The following SHROOM3 variants were observed in gnomAD, a reference collection of about 807,000 sequenced individuals.
SHROOM3 encodes protein Shroom3.
In SHROOM3, 47 loss-of-function variants were observed where a neutral mutation model predicts 138.6. That is an observed-to-expected ratio of 0.34 (90% confidence interval 0.27 to 0.43). The LOEUF is 0.43. Among genes scored for constraint, SHROOM3 ranks in the 20% least tolerant of loss-of-function variants. The pLI, the probability that SHROOM3 is intolerant of heterozygous loss-of-function variation, is 1.00. For synonymous variants in SHROOM3, 1,062 were observed against 1,063.3 expected (o/e 1.00, Z 0.02); for missense variants, 2,491 against 2,596.5 (o/e 0.96, Z 0.88).
intron 2 of SHROOM3, among the ~76,000 whole-genome samples, chr4:76,561,686 TA>T (rs549046211): frequency 0.014 from 1,235 of 89,362 alleles, 16 homozygotes; most frequent in African/African-American, 0.043. Flanking sequence ...TCTGTGATGC[TA>T]AAAAAAAAAA....
intron 2 of SHROOM3, among the ~76,000 whole-genome samples, chr4:76,566,000 C>T (rs1338325627): frequency 6.6e-6 from 1 of 151,088 alleles, no homozygotes; most frequent in African/African-American, 2.4e-5. Context: ...GTCCCAGCTA[C>T]TCAAGAGGCT....
At chr4:76,575,011 G>A (rs774938925) in intron 2 of SHROOM3, among the ~76,000 whole-genome samples, 11 of 152,098 alleles carry the variant, frequency 7.2e-5, no homozygotes, top group East Asian at 1.9e-4. Context: ...ACAACCAAGC[G>A]GGATTTATCT....
rs898997319 is a variant in SHROOM3 at position 76,781,070 on chromosome 4, G to A, written c.*1893G>A. ...CCCAGTTCCCAACACTCTTCGAGAT[G>A]ACCATTTTTCGGGATTTGACTGGGG... On this transcript the variant is annotated 3_prime_UTR_variant, in exon 11 of 11. Transcript: ENST00000296043. 10 of 152,194 alleles carry A rather than the reference G, an allele frequency of 6.6e-5. No homozygotes were observed. The highest frequency in any genetic ancestry group is 2.4e-4 in the African/African-American group (10 of 41,442). The allele number at this position is 152,194 out of a possible 1,614,324, so 9.4% of individuals were successfully genotyped here. A position where few individuals can be genotyped will look rare whatever the true frequency, so the allele number is the denominator to read the frequency against.
chr4:76,548,098 G>C (rs1019862965), intron 1 of SHROOM3, among the ~76,000 whole-genome samples: 22 of 152,178 alleles, frequency 1.4e-4, no homozygotes, highest in African/African-American at 5.3e-4. Flanking sequence ...GAGGAGGTAA[G>C]GGAAAAAGTC....
intron 2 of SHROOM3, among the ~76,000 whole-genome samples, chr4:76,620,511 A>T (rs1013476692): frequency 2.0e-5 from 3 of 152,170 alleles, no homozygotes; most frequent in Admixed American, 1.3e-4. Flanking sequence ...ACTAATAAGA[A>T]CACATTGTTT....
At chr4:76,708,828 A>G (rs1720142321) in intron 2 of SHROOM3, among the ~76,000 whole-genome samples, 1 of 152,214 alleles carries the variant, frequency 6.6e-6, no homozygotes, top group Admixed American at 6.5e-5. Context: ...CCTGAGACTC[A>G]GAATTTACTT....
chr4:76,469,220 A>T (rs1731314511), intron 1 of SHROOM3, among the ~76,000 whole-genome samples: 1 of 152,120 alleles, frequency 6.6e-6, no homozygotes, highest in Non-Finnish European at 1.5e-5. Context: ...AGAGCATTTA[A>T]TAAGCATTTC....
chr4:76,739,270 C>G lies in SHROOM3; in HGVS notation c.1097C>G (p.Pro366Arg). Residue 366 changes from proline to arginine, a missense_variant, in exon 5 of 11, where the codon CCC becomes CGC. By Grantham distance (103) the Pro-to-Arg change is moderately radical. Around this residue, in one of 4 missense-constraint regions of SHROOM3, gnomAD observed 1,733 missense variants for 1,661.6 expected, o/e 1.04. Transcript: ENST00000296043. ...VPPPSWSQQCPSSLETATDNL... is the reference protein window; with the variant it reads ...VPPPSWSQQCRSSLETATDNL... ...CCCCCATCCTGGAGCCAGCAGTGCC[C>G]CAGTTCCTTGGAGACTGCCACGGAC... The G allele has an allele frequency of 1.2e-6, 2 of 1,614,058 alleles. No individual in the cohort carries two copies. The highest frequency in any genetic ancestry group is 1.7e-6 in the Non-Finnish European group (2 of 1,180,020).
At chr4:76,481,941 A>G (rs1731622095) in intron 1 of SHROOM3, among the ~76,000 whole-genome samples, 1 of 152,248 alleles carries the variant, frequency 6.6e-6, no homozygotes, top group African/African-American at 2.4e-5. Context: ...AATGCCTTCA[A>G]TAAAATTCAA....
chr4:76,717,054 A>G (rs1717947972), intron 3 of SHROOM3, among the ~76,000 whole-genome samples: 1 of 152,204 alleles, frequency 6.6e-6, no homozygotes, highest in African/African-American at 2.4e-5. Context: ...CCTGAGAAAG[A>G]CTTTACTTCT....
chr4:76,688,842 A>C (rs913389691), intron 2 of SHROOM3: 1 of 985,274 alleles, frequency 1.0e-6, no homozygotes, highest in African/African-American at 1.7e-5. Context: ...TATGGAAACA[A>C]AAACAGGCCC....
chr4:76,541,495 T>C (rs1733096316), intron 1 of SHROOM3, among the ~76,000 whole-genome samples: 1 of 152,000 alleles, frequency 6.6e-6, no homozygotes, highest in Admixed American at 6.6e-5. Context: ...CCCTGGTCCA[T>C]CCCCTCTTTG....
intron 2 of SHROOM3, among the ~76,000 whole-genome samples, chr4:76,618,743 A>C (rs1734936217): frequency 6.6e-6 from 1 of 152,244 alleles, no homozygotes. Context: ...TAGTAATTTT[A>C]ACATTGATGT....
At chr4:76,555,842 A>G in intron 2 of SHROOM3, 79 bp downstream of exon 2, 1 of 1,520,950 alleles carries the variant, frequency 6.6e-7, no homozygotes, top group Non-Finnish European at 8.9e-7. Context: ...CTCTGGGAAA[A>G]GAGCTCGGGG....
chr4:76,560,369 C>G (rs758832160), intron 2 of SHROOM3, among the ~76,000 whole-genome samples: 4 of 152,146 alleles, frequency 2.6e-5, no homozygotes, highest in African/African-American at 4.8e-5. Context: ...ACCTCCAGAA[C>G]AGATTGCTGG....
At position 76,739,390 on chromosome 4, in the gene SHROOM3, G is replaced by A. The variant is rs775627642; in HGVS notation, c.1217G>A (p.Ser406Asn). The A allele has an allele frequency of 5.6e-6, 9 of 1,614,134 alleles. No individual in the cohort carries two copies. The highest frequency in any genetic ancestry group is 7.6e-6 in the Non-Finnish European group (9 of 1,180,044). Residue 406 changes from serine (S) to asparagine (N), a missense_variant, in exon 5 of 11, where the codon AGC (serine) becomes AAC (asparagine). Coordinates refer to ENST00000296043, the MANE Select transcript of SHROOM3 (RefSeq NM_020859.4). ...CGTGAGCGGCCCAGCTCCTGGTCTA[G>A]CCTTGATCAGAAACGGCTCTGCCGG... ...RHRERPSSWS[S>N]LDQKRLCRPQ... is the part of the protein sequence containing the mutation.
chr4:76,690,731 G>T, intron 2 of SHROOM3, among the ~76,000 whole-genome samples: 1 of 151,796 alleles, frequency 6.6e-6, no homozygotes, highest in East Asian at 1.9e-4. Flanking sequence ...CACAATCGTT[G>T]CAGAAAAGGT....
intron 2 of SHROOM3, among the ~76,000 whole-genome samples, chr4:76,565,337 C>A (rs560807681): frequency 6.6e-6 from 1 of 152,078 alleles, no homozygotes; most frequent in Admixed American, 6.6e-5. Flanking sequence ...AGAAGATGAA[C>A]CAAATATTTG....
Position 76,770,714 on chromosome 4 carries a change from C to T in SHROOM3, c.5438C>T (p.Ala1813Val). Residue 1813 changes from alanine (A) to valine (V), a missense_variant, in exon 10 of 11, where the codon GCC becomes GTC. By Grantham distance (64) the Ala-to-Val change is moderately conservative. This residue lies in a region of SHROOM3 where 470 missense variants were observed against 595.0 expected (regional missense o/e 0.79). Coordinates refer to ENST00000296043, the MANE Select transcript of SHROOM3 (RefSeq NM_020859.4). ...SLLTDIKLNN[A>V]LGEEVEALIS... ...CTCACGGACATCAAGCTCAACAACG[C>T]CCTGGGAGAAGAGGTGGAGGCTCTG... 1 of 1,614,180 alleles carries T rather than the reference C, an allele frequency of 6.2e-7. No homozygotes were observed. The highest frequency in any genetic ancestry group is 8.5e-7 in the Non-Finnish European group (1 of 1,180,038).
Sources: gnomAD v4.1 joint callset for allele counts (sites outside exome capture counted in the v4.1 genomes callset) on GRCh38, gnomAD v4.1.1 for gene constraint, gnomAD v4.1.1 regional missense constraint, MANE v1.5 for transcripts, NCBI Gene and HGNC (gene_info 2026-07-23, HGNC 2026-07-21) for gene names.